The following TMEM54 variants were observed in gnomAD, a reference collection of about 807,000 sequenced individuals.
TMEM54 encodes transmembrane protein 54, also known as beta-casein-like protein.
A neutral mutation model predicts 21.3 loss-of-function variants in TMEM54; 21 were observed. The observed-to-expected ratio is 0.99, with a 90% CI of 0.70 to 1.42. TMEM54 has a LOEUF of 1.42. Among genes scored for constraint, TMEM54 ranks in the 40% most tolerant of loss-of-function variants. TMEM54 has a pLI of 0.00. For missense variants in TMEM54, 246 were observed against 294.0 expected, an observed-to-expected ratio of 0.84 and a Z score of 1.19; for synonymous variants, 109 against 125.0, an observed-to-expected ratio of 0.87 and a Z score of 0.86.
chr1:32,898,454 T>C, intron 1 of TMEM54, 135 bp from the exon 2 acceptor site: 1 of 842,408 alleles, frequency 1.2e-6, no homozygotes, highest in Non-Finnish European at 1.8e-6. Context: ...CAGTAACTTG[T>C]CTTCTTTGAG....
rs768857203 is a variant in TMEM54 at position 32,895,326 on chromosome 1, C to A, written c.573G>T (p.Trp191Cys). Residue 191 changes from tryptophan (W) to cysteine (C), a missense_variant, in exon 5 of 6, where the codon TGG (tryptophan) becomes TGT (cysteine). Physicochemically the swap from Trp to Cys is radical, Grantham distance 215 (BLOSUM62 -2). Transcript: ENST00000373463. The surrounding 1 kb of genome is among the most constrained non-coding windows in gnomAD (Gnocchi z 5.8). ...TTACCATGTGGTGGCTGCTTTTCCCCCACCAGGGCCTCAGCTCCAGCAGCT... is the reference window on the plus strand; with the variant it reads ...TTACCATGTGGTGGCTGCTTTTCCCACACCAGGGCCTCAGCTCCAGCAGCT... ...THQLLELRPW[W>C]GKSSHHMMRE... The A allele has an allele frequency of 6.2e-7, 1 of 1,612,920 alleles. No homozygotes were observed. The highest frequency in any genetic ancestry group is 8.5e-7 in the Non-Finnish European group (1 of 1,179,208).
In TMEM54 at chr1:32,895,335, C is replaced by A; in HGVS notation, c.564G>T (p.Arg188Ser). 1.9e-6 allele frequency: 3 copies of A among 1,613,406 alleles called. No homozygotes were observed. The highest frequency in any genetic ancestry group is 1.1e-5 in the South Asian group (1 of 91,032). Reference sequence around the variant, plus strand: ...GGTGGCTGCTTTTCCCCCACCAGGGCCTCAGCTCCAGCAGCTGGTGGGTGA... The same window carrying A: ...GGTGGCTGCTTTTCCCCCACCAGGGACTCAGCTCCAGCAGCTGGTGGGTGA... ...AQLTHQLLEL[R>S]PWWGKSSHHM... is the part of the protein sequence containing the mutation. The change falls in exon 5 of 6, where the codon AGG becomes AGT. Residue 188 changes from arginine to serine, a missense_variant. Physicochemically the swap from Arg to Ser is moderately radical, Grantham distance 110 (BLOSUM62 -1). Transcript: ENST00000373463. This position sits in a 1 kb window ranked among gnomAD's most constrained non-coding sequence, Gnocchi z 5.8.
At position 32,901,196 on chromosome 1, in the gene TMEM54, G is replaced by A. The variant is rs147041320; in HGVS notation, c.16+27C>T. On this transcript the variant is annotated intron_variant, in intron 1 of 5. Transcript: ENST00000373463. This position sits in a 1 kb window ranked among gnomAD's most constrained non-coding sequence, Gnocchi z 4.2. ...TGTGGGAGGGTTGGGGTGGTTCGGG[G>A]CCTCCCGCGCGCCCCCAGTCGCTCA... The A allele has an allele frequency of 3.4e-6, 5 of 1,482,810 alleles. No homozygotes were observed. The highest frequency in any genetic ancestry group is 1.3e-5 in the South Asian group (1 of 74,660). 91.9% of individuals were successfully genotyped at this position (1,482,810 alleles called of 1,614,324 possible). A position where few individuals can be genotyped will look rare whatever the true frequency, so the allele number is the denominator to read the frequency against.
At position 32,898,183 on chromosome 1, in the gene TMEM54, A is replaced by G. The variant is rs1173983959; in HGVS notation, c.153T>C (p.Asp51=). 2 of 1,612,604 alleles carry G rather than the reference A, an allele frequency of 1.2e-6. No homozygotes were observed. Among genetic ancestry groups the G allele is most frequent in the Admixed American group, 1.7e-5 (1 of 60,004 alleles). Residue 51 remains aspartate (D), a synonymous_variant, in exon 2 of 6, where the codon GAT becomes GAC. Transcript: ENST00000373463. ...CCACGCAGTACTGCAGAGCCACCGC[A>G]TCTTGAGGGGTGCCCACGTAGCGCA... is the stretch of plus-strand genomic sequence containing the variant. The part of the protein sequence containing the change: ...TVLRYVGTPQ[D]AVALQYCVVN...
chr1:32,895,615 A>G lies in TMEM54; in HGVS notation c.399T>C (p.Phe133=). ...QGKALLAACT[F]GSSELLALAP... ...CGAGGGCCAGTAGTTCAGAGCTCCCAAAAGTGCAGGCAGCCAGCAGTGCCT... is the reference window on the plus strand; with the variant it reads ...CGAGGGCCAGTAGTTCAGAGCTCCCGAAAGTGCAGGCAGCCAGCAGTGCCT... The change falls in exon 4 of 6, where the codon TTT becomes TTC. Residue 133 remains phenylalanine, a synonymous_variant. Coordinates refer to ENST00000373463, the MANE Select transcript of TMEM54 (RefSeq NM_033504.4). The surrounding 1 kb of genome is among the most constrained non-coding windows in gnomAD (Gnocchi z 5.8). 6.3e-7 allele frequency: 1 copy of G among 1,575,134 alleles called. No individual in the cohort carries two copies. The highest frequency in any genetic ancestry group is 1.2e-5 in the South Asian group (1 of 85,898).
In TMEM54 at chr1:32,896,074, C is replaced by G; in HGVS notation, c.211-105G>C. On this transcript the variant is annotated intron_variant, in intron 2 of 5. Coordinates refer to ENST00000373463, the MANE Select transcript of TMEM54 (RefSeq NM_033504.4). This position sits in a 1 kb window ranked among gnomAD's most constrained non-coding sequence, Gnocchi z 4.1. ...TGATCTCACCGGCGCCAACCATTGC[C>G]CTCCAGACTCCCCCACCCCTCACCT... 8.1e-7 allele frequency: 1 copy of G among 1,231,238 alleles called. No homozygotes were observed. The highest frequency in any genetic ancestry group is 1.1e-6 in the Non-Finnish European group (1 of 891,108). The allele number at this position is 1,231,238 out of a possible 1,614,324, so 76.3% of individuals were successfully genotyped here.
chr1:32,898,114 G>A lies in TMEM54; in HGVS notation c.210+12C>T. 6.3e-7 allele frequency: 1 copy of A among 1,585,184 alleles called. No homozygotes were observed. The highest frequency in any genetic ancestry group is 8.6e-7 in the Non-Finnish European group (1 of 1,156,810). ...CCTCCTCCCACCAACCACCCTCCCA[G>A]CCTGGCCATACCACGATGGCGGAAG... On this transcript the variant is annotated intron_variant, in intron 2 of 5. Transcript: ENST00000373463.
rs750406047 is a variant in TMEM54, at chr1:32,895,522, C to T, written c.459+33G>A. ...AGAGCCCTTCCCACCCGTGCGAGGG[C>T]CTGGTGCCCCTACTCCAGGCCTAGG... On this transcript the variant is annotated intron_variant, in intron 4 of 5. Transcript: ENST00000373463. The surrounding 1 kb of genome is among the most constrained non-coding windows in gnomAD (Gnocchi z 5.8). 6.3e-7 allele frequency: 1 copy of T among 1,590,120 alleles called. No homozygotes were observed. Among genetic ancestry groups the T allele is most frequent in the Non-Finnish European group, 8.6e-7 (1 of 1,166,210 alleles).
Position 32,894,816 on chromosome 1 carries a change from G to A in TMEM54, c.658C>T (p.Leu220=). 1.2e-6 allele frequency: 2 copies of A among 1,611,372 alleles called. No individual in the cohort carries two copies. Among genetic ancestry groups the A allele is most frequent in the Non-Finnish European group, 1.7e-6 (2 of 1,177,746 alleles). The change falls in exon 6 of 6, where the codon CTG becomes TTG. Residue 220 remains leucine (L), a synonymous_variant. Coordinates refer to ENST00000373463, the MANE Select transcript of TMEM54 (RefSeq NM_033504.4). ...CAGGACATCATCTCTCAGAGGGTCA[G>A]AGGCTCAGAGCTGGTGCAGCTCAGC... The part of the protein sequence containing the change: ...DLLSCTSSEP[L]TL
chr1:32,899,412 A>C (rs1414049580), intron 1 of TMEM54, among the ~76,000 whole-genome samples: 1 of 150,956 alleles, frequency 6.6e-6, no homozygotes. Flanking sequence ...AAAAAAAGAA[A>C]AAAAGAGGCT....
chr1:32,898,323 T>C lies in TMEM54; in HGVS notation c.17-4A>G. ...AAGTCGCCCACACTCAGGCCTCCTG[T>C]GGGGGACAGCTATGTCAGGGCTGTG... On this transcript the variant is annotated splice_region_variant and splice_polypyrimidine_tract_variant and intron_variant, in intron 1 of 5. Coordinates refer to ENST00000373463, the MANE Select transcript of TMEM54 (RefSeq NM_033504.4). 1 of 1,595,592 alleles carries C rather than the reference T, an allele frequency of 6.3e-7. No individual in the cohort carries two copies. Among genetic ancestry groups the C allele is most frequent in the Non-Finnish European group, 8.6e-7 (1 of 1,164,826 alleles).
In TMEM54 at chr1:32,894,695, G is replaced by A. The variant is rs930451286; in HGVS notation, c.*110C>T. On this transcript the variant is annotated 3_prime_UTR_variant, in exon 6 of 6. Transcript: ENST00000373463. The stretch of plus-strand genomic sequence containing the variant: ...GGTTGAAAGCCCCACTTGGGTCCCC[G>A]AGGGTCCATTGAGCCCTCTCAGGCC... The A allele has an allele frequency of 1.3e-5, 19 of 1,480,786 alleles. No homozygotes were observed. Among genetic ancestry groups the A allele is most frequent in the South Asian group, 6.5e-5 (5 of 77,208 alleles). 91.7% of individuals were successfully genotyped at this position (1,480,786 alleles called of 1,614,324 possible).
At position 32,895,882 on chromosome 1, in the gene TMEM54, C is replaced by A; in HGVS notation, c.270+28G>T. On this transcript the variant is annotated intron_variant, in intron 3 of 5. Coordinates refer to ENST00000373463, the MANE Select transcript of TMEM54 (RefSeq NM_033504.4). The surrounding 1 kb of genome is among the most constrained non-coding windows in gnomAD (Gnocchi z 5.8). The stretch of plus-strand genomic sequence containing the variant: ...GGCTGCTGCCCCTACCCTTCCCTCA[C>A]AGCCCCATCCCAGGAGGCACCACGT... 1.2e-6 allele frequency: 2 copies of A among 1,605,914 alleles called. No homozygotes were observed. The highest frequency in any genetic ancestry group is 8.5e-7 in the Non-Finnish European group (1 of 1,176,144).
rs375459586 is a variant in TMEM54 at position 32,895,723 on chromosome 1, C to A, written c.291G>T (p.Ser97=). The A allele has an allele frequency of 1.3e-6, 2 of 1,558,010 alleles. No individual in the cohort carries two copies. The highest frequency in any genetic ancestry group is 8.7e-7 in the Non-Finnish European group (1 of 1,150,984). ...STPLRWTVFS[S]SVACALLSLT... ...GAGAAAGGAGAGCACAGGCCACGCT[C>A]GAGCTAAACACTGTCCAGCGCTGGA... The change falls in exon 4 of 6, where the codon TCG becomes TCT. Residue 97 remains serine (S), a synonymous_variant. Coordinates refer to ENST00000373463, the MANE Select transcript of TMEM54 (RefSeq NM_033504.4). This position sits in a 1 kb window ranked among gnomAD's most constrained non-coding sequence, Gnocchi z 5.8.
Position 32,895,566 on chromosome 1 carries a change from T to C in TMEM54, c.448A>G (p.Thr150Ala). The change falls in exon 4 of 6, where the codon ACA (threonine) becomes GCA (alanine). Residue 150 changes from threonine to alanine, a missense_variant. Transcript: ENST00000373463. The surrounding 1 kb of genome is among the most constrained non-coding windows in gnomAD (Gnocchi z 5.8). The stretch of plus-strand genomic sequence containing the variant: ...GCCTAGGTACTCACATAAATGCGTG[T>C]GGGGTCGAAGGGACAGTCAGGTGCG... ...ALAPDCPFDP[T>A]RIYSSSLCLW... is the part of the protein sequence containing the mutation. The C allele has an allele frequency of 6.3e-7, 1 of 1,592,774 alleles. No homozygotes were observed. The highest frequency in any genetic ancestry group is 8.5e-7 in the Non-Finnish European group (1 of 1,169,888).
In TMEM54 at chr1:32,896,245, G is replaced by T. The variant is rs1641598015; in HGVS notation, c.211-276C>A. 1 of 352,960 alleles carries T rather than the reference G, an allele frequency of 2.8e-6. No homozygotes were observed. Among genetic ancestry groups the T allele is most frequent in the Non-Finnish European group, 5.1e-6 (1 of 195,792 alleles). The allele number at this position is 352,960 out of a possible 1,614,324, so 21.9% of individuals were successfully genotyped here. On this transcript the variant is annotated intron_variant, in intron 2 of 5. Transcript: ENST00000373463. The surrounding 1 kb of genome is among the most constrained non-coding windows in gnomAD (Gnocchi z 4.1). Reference sequence around the variant, plus strand: ...TCTCAAGCAGGTTCATGTATCCTGGGGCCACCGGGGCATGCCAGGGTATGC... The same window carrying T: ...TCTCAAGCAGGTTCATGTATCCTGGTGCCACCGGGGCATGCCAGGGTATGC...
chr1:32,895,822 T>C lies in TMEM54; in HGVS notation c.271-79A>G. The C allele has an allele frequency of 6.4e-7, 1 of 1,559,850 alleles. No individual in the cohort carries two copies. Among genetic ancestry groups the C allele is most frequent in the Non-Finnish European group, 8.7e-7 (1 of 1,153,056 alleles). On this transcript the variant is annotated intron_variant, in intron 3 of 5. Transcript: ENST00000373463. The surrounding 1 kb of genome is among the most constrained non-coding windows in gnomAD (Gnocchi z 5.8). ...GCTCTGGCCTCCCTGAGGGTCAGCC[T>C]TACCCTCTCCAAGGAGGCCAGGCCC...
chr1:32,897,879 T>C lies in TMEM54; in HGVS notation c.210+247A>G. 2.4e-6 allele frequency: 1 copy of C among 424,588 alleles called. No homozygotes were observed. The highest frequency in any genetic ancestry group is 3.4e-5 in the East Asian group (1 of 29,080). 26.3% of individuals were successfully genotyped at this position (424,588 alleles called of 1,614,324 possible). ...GCTAACAACATGCCATGCCAGACACTCTGCTAAGCACTTTGTGTGGATGAT... is the reference window on the plus strand; with the variant it reads ...GCTAACAACATGCCATGCCAGACACCCTGCTAAGCACTTTGTGTGGATGAT... On this transcript the variant is annotated intron_variant, in intron 2 of 5. Coordinates refer to ENST00000373463, the MANE Select transcript of TMEM54 (RefSeq NM_033504.4). This position sits in a 1 kb window ranked among gnomAD's most constrained non-coding sequence, Gnocchi z 4.9.
In TMEM54 at chr1:32,895,633, C is replaced by T; in HGVS notation, c.381G>A (p.Leu127=). The T allele has an allele frequency of 1.3e-6, 2 of 1,567,850 alleles. No homozygotes were observed. Among genetic ancestry groups the T allele is most frequent in the Non-Finnish European group, 8.7e-7 (1 of 1,155,934 alleles). The change falls in exon 4 of 6, where the codon CTG becomes CTA. Residue 127 remains leucine (L), a synonymous_variant. Coordinates refer to ENST00000373463, the MANE Select transcript of TMEM54 (RefSeq NM_033504.4). This position sits in a 1 kb window ranked among gnomAD's most constrained non-coding sequence, Gnocchi z 5.8. ...AMTFATQGKA[L]LAACTFGSSE... Reference sequence around the variant, plus strand: ...AGCTCCCAAAAGTGCAGGCAGCCAGCAGTGCCTTGCCCTGGGTGGCAAAGG... The same window carrying T: ...AGCTCCCAAAAGTGCAGGCAGCCAGTAGTGCCTTGCCCTGGGTGGCAAAGG...
Sources: gnomAD v4.1 joint callset for allele counts (sites outside exome capture counted in the v4.1 genomes callset) on GRCh38, gnomAD v4.1.1 for gene constraint, Gnocchi (gnomAD v3.1) non-coding constraint, MANE v1.5 for transcripts, NCBI Gene and HGNC (gene_info 2026-07-23, HGNC 2026-07-21) for gene names.